WASHC5: variants seen among roughly 807,000 people sequenced by gnomAD.
The protein encoded by WASHC5 is WASH complex subunit strumpellin.
Under a neutral mutation model 150.4 loss-of-function variants are expected in WASHC5, and 101 were observed. The observed-to-expected ratio is 0.67, with a 90% CI of 0.57 to 0.79. The LOEUF (loss-of-function observed/expected upper bound fraction) is 0.79, where lower values mean the gene tolerates loss of function less well. Among genes scored for constraint, WASHC5 ranks in the 30% least tolerant of loss-of-function variants. The pLI, the probability that WASHC5 is intolerant of heterozygous loss-of-function variation, is 0.00. For synonymous variants in WASHC5, 467 were observed against 491.2 expected (o/e 0.95, Z 0.65); for missense variants, 1,195 against 1,396.3 (o/e 0.86, Z 2.30).
chr8:125,085,983 G>C (rs748239898), intron 1 of WASHC5, among the ~76,000 whole-genome samples: 2 of 152,068 alleles, frequency 1.3e-5, no homozygotes, highest in Non-Finnish European at 2.9e-5. Flanking sequence ...AAAGCAATCT[G>C]ATTATAATAA....
intron 9 of WASHC5, among the ~76,000 whole-genome samples, chr8:125,069,569 T>C (rs10429361): frequency 0.026 from 3,969 of 152,240 alleles, 173 homozygotes; most frequent in African/African-American, 0.092. Flanking sequence ...TATATGTATA[T>C]GTCATGGGTG....
At chr8:125,062,601 G>C (rs1367243735) in intron 11 of WASHC5, among the ~76,000 whole-genome samples, 1 of 152,076 alleles carries the variant, frequency 6.6e-6, no homozygotes, top group African/African-American at 2.4e-5. Flanking sequence ...TTATACGTTG[G>C]CTGGCTTTTC....
At chr8:125,030,650 A>G (rs1815503452) in intron 27 of WASHC5, among the ~76,000 whole-genome samples, 1 of 148,158 alleles carries the variant, frequency 6.7e-6, no homozygotes, top group Admixed American at 6.6e-5. Context: ...AAAAAAAAAA[A>G]AAAAAAAAAA....
chr8:125,081,069 CT>C (rs1368550768), intron 5 of WASHC5, among the ~76,000 whole-genome samples: 1 of 151,930 alleles, frequency 6.6e-6, no homozygotes, highest in African/African-American at 2.4e-5. Flanking sequence ...ATTCAGACTC[CT>C]TTTTAAAATT....
chr8:125,065,552 T>C (rs924388561), intron 10 of WASHC5, among the ~76,000 whole-genome samples: 3 of 151,910 alleles, frequency 2.0e-5, no homozygotes, highest in Non-Finnish European at 4.4e-5. Flanking sequence ...ATATTATCTA[T>C]AGAACTCTTG....
chr8:125,083,824 G>A lies in WASHC5; in HGVS notation c.75C>T (p.Ile25=). 6.2e-7 allele frequency: 1 copy of A among 1,614,034 alleles called. No homozygotes were observed. The highest frequency in any genetic ancestry group is 1.1e-5 in the South Asian group (1 of 91,074). The stretch of plus-strand genomic sequence containing the variant: ...CAGAGAGTCTCAAAAGTTCAGCAAT[G>A]ATGGCATTACCACAGGAAACAATCC... ...ILRIVSCGNA[I]IAELLRLSEF... is the part of the protein sequence containing the mutation. The change falls in exon 2 of 29, where the codon ATC becomes ATT. Residue 25 remains isoleucine, a synonymous_variant. Transcript: ENST00000318410.
At chr8:125,039,771 G>C (rs2129996051) in intron 24 of WASHC5, 24 bp downstream of exon 24, 1 of 1,489,536 alleles carries the variant, frequency 6.7e-7, no homozygotes, top group Non-Finnish European at 9.4e-7. Context: ...CCCACGGATG[G>C]CTGTTTCAAA....
chr8:125,054,717 G>A (rs540890529), intron 17 of WASHC5, among the ~76,000 whole-genome samples: 13 of 152,208 alleles, frequency 8.5e-5, no homozygotes, highest in African/African-American at 2.9e-4. Context: ...TACTCGGGAG[G>A]CTGAGGCAGG....
chr8:125,029,234 T>C (rs763024476), intron 27 of WASHC5, among the ~76,000 whole-genome samples: 1 of 152,198 alleles, frequency 6.6e-6, no homozygotes, highest in Non-Finnish European at 1.5e-5. Flanking sequence ...GGTTTCACCA[T>C]GTTGGCCAGG....
intron 1 of WASHC5, among the ~76,000 whole-genome samples, chr8:125,088,593 C>T (rs1269832667): frequency 6.6e-6 from 1 of 151,960 alleles, no homozygotes; most frequent in Non-Finnish European, 1.5e-5. Context: ...TGGGGAGAAG[C>T]CCATATGACA....
Position 125,061,202 on chromosome 8 carries a change from T to C in WASHC5, c.1409-8A>G. 7.0e-7 allele frequency: 1 copy of C among 1,420,224 alleles called. No individual in the cohort carries two copies. The allele number at this position is 1,420,224 out of a possible 1,614,324, so 88.0% of individuals were successfully genotyped here. ...ACCAAGCTTGAAGGTTTTCTAGTAA[T>C]ACAGAAATAAGAAAATACTGAAATC... On this transcript the variant is annotated splice_region_variant and splice_polypyrimidine_tract_variant and intron_variant, in intron 11 of 28. Coordinates refer to ENST00000318410, the MANE Select transcript of WASHC5 (RefSeq NM_014846.4).
chr8:125,059,127 TA>T, intron 14 of WASHC5, 94 bp downstream of exon 14: 1 of 920,538 alleles, frequency 1.1e-6, no homozygotes, highest in Non-Finnish European at 1.8e-6. Context: ...TTTACCTTCC[TA>T]AAAGGATAAA....
At chr8:125,086,103 G>C (rs1202905275) in intron 1 of WASHC5, among the ~76,000 whole-genome samples, 1 of 152,144 alleles carries the variant, frequency 6.6e-6, no homozygotes, top group Non-Finnish European at 1.5e-5. Context: ...CAATGAGTCT[G>C]GATTGCATTT....
At chr8:125,049,248 T>G in intron 18 of WASHC5, 63 bp from the exon 19 acceptor site, 1 of 1,551,910 alleles carries the variant, frequency 6.4e-7, no homozygotes, top group Non-Finnish European at 8.9e-7. Flanking sequence ...TTCGTTCTAA[T>G]ATCTAACTAG....
chr8:125,046,683 A>G (rs1816077619), intron 20 of WASHC5, among the ~76,000 whole-genome samples: 1 of 152,214 alleles, frequency 6.6e-6, no homozygotes, highest in Admixed American at 6.5e-5. Flanking sequence ...CTGGATGTGT[A>G]TAATGTGCTG....
chr8:125,047,458 G>A lies in WASHC5; in HGVS notation c.2380-127C>T, dbSNP rs995705016. 7 of 832,658 alleles carry A rather than the reference G, an allele frequency of 8.4e-6. No individual in the cohort carries two copies. In the African/African-American group the frequency reaches 1.2e-4, roughly 14 times the overall value. 51.6% of individuals were successfully genotyped at this position (832,658 alleles called of 1,614,324 possible). A position where few individuals can be genotyped will look rare whatever the true frequency, so the allele number is the denominator to read the frequency against. The stretch of plus-strand genomic sequence containing the variant: ...CAATAAAGGTTGTTTTTTTTTTTTA[G>A]ATGGAGTCTCGCTCTGTCCCCCAGG... On this transcript the variant is annotated intron_variant, in intron 19 of 28. Transcript: ENST00000318410.
At position 125,086,751 on chromosome 8, in the gene WASHC5, G is replaced by C. The variant is rs115666999; in HGVS notation, c.-124-2729C>G. Among the ~76,000 whole-genome samples, 826 of 152,294 alleles carry C rather than the reference G, an allele frequency of 5.4e-3. 10 individuals are homozygous for C. The highest frequency in any genetic ancestry group is 0.019 in the African/African-American group (795 of 41,560). On this transcript the variant is annotated intron_variant, in intron 1 of 28. Coordinates refer to ENST00000318410, the MANE Select transcript of WASHC5 (RefSeq NM_014846.4). The stretch of plus-strand genomic sequence containing the variant: ...CAGTATCTCCTTTTGCTCTCTTTGG[G>C]TGTCCGAAGCTGCCATGTAAGATGT...
chr8:125,058,393 C>A (rs563624725), intron 14 of WASHC5, among the ~76,000 whole-genome samples: 3 of 151,422 alleles, frequency 2.0e-5, no homozygotes, highest in African/African-American at 7.3e-5. Context: ...CTCACTCCCA[C>A]GTCCCAAAAA....
intron 12 of WASHC5, among the ~76,000 whole-genome samples, chr8:125,060,186 T>A (rs1586363464): frequency 1.3e-5 from 2 of 152,318 alleles, no homozygotes; most frequent in Middle Eastern, 6.8e-3. Context: ...GTAAAAATGA[T>A]GTTTTAAATA....
Sources: gnomAD v4.1 joint callset for allele counts (sites outside exome capture counted in the v4.1 genomes callset) on GRCh38, gnomAD v4.1.1 for gene constraint, MANE v1.5 for transcripts, NCBI Gene and HGNC (gene_info 2026-07-23, HGNC 2026-07-21) for gene names.